TFB2M: variants seen among roughly 807,000 people sequenced by gnomAD.
The protein encoded by TFB2M is dimethyladenosine transferase 2, mitochondrial.
Under a neutral mutation model 41.3 loss-of-function variants are expected in TFB2M, and 44 were observed. The observed-to-expected ratio is 1.07, with a 90% CI of 0.84 to 1.37. The LOEUF is 1.37. Ranked by LOEUF, TFB2M falls within the 40% of genes most tolerant of loss-of-function variation. The pLI, the probability that TFB2M is intolerant of heterozygous loss-of-function variation, is 0.00. For synonymous variants in TFB2M, 188 were observed against 176.8 expected (o/e 1.06, Z -0.50); for missense variants, 496 against 490.2 (o/e 1.01, Z -0.11).
intron 4 of TFB2M, among the ~76,000 whole-genome samples, 167 bp downstream of exon 4, chr1:246,556,404 CAA>C (rs1558513161): frequency 2.0e-5 from 3 of 152,124 alleles, no homozygotes; most frequent in Non-Finnish European, 4.4e-5. Context: ...TAAAACCACT[CAA>C]CTGTACACTG....
intron 4 of TFB2M, among the ~76,000 whole-genome samples, chr1:246,552,134 G>T (rs1219131981): frequency 1.3e-5 from 2 of 152,222 alleles, no homozygotes; most frequent in African/African-American, 4.8e-5. Context: ...AAAAAGCTGG[G>T]TGCAGTGGTG....
rs1446304249 is a variant in TFB2M, at chr1:246,566,213, C to T, written c.-75G>A. On this transcript the variant is annotated 5_prime_UTR_variant, in exon 1 of 8. It adds an upstream start codon to the 5' untranslated region. Transcript: ENST00000366514. ...AGTGAACCCCACGCAGGGTATCCCACGTGGAACATTTTCTGGCGTCCGGGC... is the reference window on the plus strand; with the variant it reads ...AGTGAACCCCACGCAGGGTATCCCATGTGGAACATTTTCTGGCGTCCGGGC... 2 of 1,478,228 alleles carry T rather than the reference C, an allele frequency of 1.4e-6. No individual in the cohort carries two copies. Among genetic ancestry groups the T allele is most frequent in the Non-Finnish European group, 1.8e-6 (2 of 1,094,058 alleles). The allele number at this position is 1,478,228 out of a possible 1,614,324, so 91.6% of individuals were successfully genotyped here.
At chr1:246,555,718 A>G (rs1433652127) in intron 4 of TFB2M, among the ~76,000 whole-genome samples, 1 of 152,198 alleles carries the variant, frequency 6.6e-6, no homozygotes, top group Non-Finnish European at 1.5e-5. Context: ...TTGCAGCATT[A>G]TTCCCAACAG....
intron 3 of TFB2M, among the ~76,000 whole-genome samples, chr1:246,557,136 G>T (rs957874480): frequency 6.6e-6 from 1 of 152,030 alleles, no homozygotes. Context: ...ATAACCAGGT[G>T]TGGTGACACA....
rs140273082 is a variant in TFB2M at position 246,566,037 on chromosome 1, C to T, written c.102G>A (p.Lys34=). 4.3e-3 allele frequency: 6,868 copies of T among 1,614,058 alleles called. 23 individuals carry two copies. Among genetic ancestry groups the T allele is most frequent in the Non-Finnish European group, 5.2e-3 (6,170 of 1,180,040 alleles). ...CILGSEAATR[K]HLPARNHCGL... Reference sequence around the variant, plus strand: ...CACAGTGGTTCCTCGCCGGCAAATGCTTTCGCGTCGCCGCTTCAGACCCTA... The same window carrying T: ...CACAGTGGTTCCTCGCCGGCAAATGTTTTCGCGTCGCCGCTTCAGACCCTA... Residue 34 remains lysine (K), a synonymous_variant, in exon 1 of 8, where the codon AAG becomes AAA. Transcript: ENST00000366514.
At chr1:246,545,377 T>A (rs1443032347) in intron 6 of TFB2M, among the ~76,000 whole-genome samples, 1 of 151,368 alleles carries the variant, frequency 6.6e-6, no homozygotes, top group Non-Finnish European at 1.5e-5. Context: ...AAAAATAAAT[T>A]AGCTGGGTGT....
chr1:246,564,391 T>C lies in TFB2M; in HGVS notation c.357A>G (p.Lys119=), dbSNP rs1659536112. 1 of 1,614,100 alleles carries C rather than the reference T, an allele frequency of 6.2e-7. No individual in the cohort carries two copies. The highest frequency in any genetic ancestry group is 1.3e-5 in the African/African-American group (1 of 74,950). Residue 119 remains lysine, a synonymous_variant, in exon 2 of 8, where the codon AAA becomes AAG. Coordinates refer to ENST00000366514, the MANE Select transcript of TFB2M (RefSeq NM_022366.3). ...LTQALLEAGA[K]VVALESDKTF... is the part of the protein sequence containing the mutation. ...TTTTGTCACTTTCGAGCGCAACCACTTTGGCACCAGCTTCAAGTAATGCCT... is the reference window on the plus strand; with the variant it reads ...TTTTGTCACTTTCGAGCGCAACCACCTTGGCACCAGCTTCAAGTAATGCCT...
At position 246,541,467 on chromosome 1, in the gene TFB2M, T is replaced by G. The variant is rs115468957; in HGVS notation, c.1020-265A>C. ...TAAAAGCCCAGACTTCAACAATCCA[T>G]CCATGAAACCAAAAAAATCACTTGT... is the stretch of plus-strand genomic sequence containing the variant. On this transcript the variant is annotated intron_variant, in intron 7 of 7. Coordinates refer to ENST00000366514, the MANE Select transcript of TFB2M (RefSeq NM_022366.3). 3.0e-3 allele frequency among the ~76,000 whole-genome samples: 421 copies of G among 141,458 alleles called. 3 individuals carry two copies. Among genetic ancestry groups the G allele is most frequent in the African/African-American group, 0.01 (404 of 39,440 alleles). The allele number at this position is 141,458 out of a possible 152,430, so 92.8% of individuals were successfully genotyped here.
At chr1:246,560,002 C>T (rs1183643014) in intron 2 of TFB2M, among the ~76,000 whole-genome samples, 2 of 152,206 alleles carry the variant, frequency 1.3e-5, no homozygotes, top group Non-Finnish European at 2.9e-5. Flanking sequence ...TAACCTGTGG[C>T]CTGAGGGCCG....
At chr1:246,548,455 T>C in intron 6 of TFB2M, 90 bp downstream of exon 6, 2 of 1,096,038 alleles carry the variant, frequency 1.8e-6, no homozygotes, top group Non-Finnish European at 2.6e-6. Context: ...ATTAAAAAGT[T>C]AAATACAGAC....
intron 4 of TFB2M, 136 bp downstream of exon 4, chr1:246,556,437 G>T: frequency 1.5e-6 from 1 of 654,062 alleles, no homozygotes; most frequent in Non-Finnish European, 2.4e-6. Flanking sequence ...CTGAGCATAA[G>T]ACTGCTCTGC....
At position 246,551,293 on chromosome 1, in the gene TFB2M, C is replaced by A. The variant is rs764953447; in HGVS notation, c.715G>T (p.Ala239Ser). ...TACAAGTCTGGATTTCCGGGATCTG[C>A]CATTAGTTTCTAGTAAAAGGAAAAT... ...IGEKEFQKLMADPGNPDLYHV... is the reference protein window; with the variant it reads ...IGEKEFQKLMSDPGNPDLYHV... Residue 239 changes from alanine (A) to serine (S), a missense_variant, in exon 5 of 8, where the codon GCA becomes TCA. Physicochemically the swap from Ala to Ser is moderately conservative, Grantham distance 99. Transcript: ENST00000366514. 3.7e-6 allele frequency: 6 copies of A among 1,610,122 alleles called. No homozygotes were observed. In the Admixed American group the frequency reaches 1.0e-4, roughly 27 times the overall value.
chr1:246,544,981 A>C (rs866622117), intron 6 of TFB2M, among the ~76,000 whole-genome samples: 13 of 151,770 alleles, frequency 8.6e-5, no homozygotes, highest in Non-Finnish European at 1.5e-4. Context: ...AATTTTTTGT[A>C]TTTTTAGTAG....
intron 4 of TFB2M, among the ~76,000 whole-genome samples, chr1:246,555,119 G>A (rs1185719378): frequency 6.6e-6 from 1 of 152,046 alleles, no homozygotes; most frequent in Non-Finnish European, 1.5e-5. Flanking sequence ...TTAGGAAAAT[G>A]CAAATCAAAA....
chr1:246,564,692 T>C (rs1659555947), intron 1 of TFB2M, among the ~76,000 whole-genome samples: 1 of 152,032 alleles, frequency 6.6e-6, no homozygotes, highest in African/African-American at 2.4e-5. Context: ...TTTTTTTTTT[T>C]TTTTTGAGAC....
chr1:246,541,207 A>T lies in TFB2M; in HGVS notation c.1020-5T>A, dbSNP rs750468268. ...GCATCAAGTGGAGTCAATGAACTGC[A>T]AAAGAAATACAAAGTAAATGTACTT... On this transcript the variant is annotated splice_region_variant and splice_polypyrimidine_tract_variant and intron_variant, in intron 7 of 7. Transcript: ENST00000366514. 3 of 1,612,438 alleles carry T rather than the reference A, an allele frequency of 1.9e-6. No individual in the cohort carries two copies. In the East Asian group the frequency reaches 6.7e-5, roughly 36 times the overall value.
intron 1 of TFB2M, among the ~76,000 whole-genome samples, chr1:246,564,825 G>A (rs1659565466): frequency 6.6e-6 from 1 of 151,996 alleles, no homozygotes; most frequent in Admixed American, 6.6e-5. Context: ...GATTACAGGC[G>A]CCCGCCACCA....
At chr1:246,559,159 G>A (rs1213043063) in intron 2 of TFB2M, among the ~76,000 whole-genome samples, 1 of 151,920 alleles carries the variant, frequency 6.6e-6, no homozygotes, top group South Asian at 2.1e-4. Context: ...TATGTCCCCA[G>A]GCTGGTCTCC....
intron 7 of TFB2M, among the ~76,000 whole-genome samples, chr1:246,542,655 G>C (rs1658893761): frequency 6.6e-6 from 1 of 152,180 alleles, no homozygotes; most frequent in African/African-American, 2.4e-5. Flanking sequence ...CTGGGCAACA[G>C]AGTGAGACTC....
Sources: gnomAD v4.1 joint callset for allele counts (sites outside exome capture counted in the v4.1 genomes callset) on GRCh38, gnomAD v4.1.1 for gene constraint, MANE v1.5 for transcripts, NCBI Gene and HGNC (gene_info 2026-07-23, HGNC 2026-07-21) for gene names.